OSBPL10: variants seen among roughly 807,000 people sequenced by gnomAD.
OSBPL10 encodes oxysterol-binding protein-related protein 10.
Under a neutral mutation model 81.7 loss-of-function variants are expected in OSBPL10, and 49 were observed. The ratio of observed to expected loss-of-function variants is 0.60; its 90% CI spans 0.48 to 0.76. The LOEUF is 0.76. Ranked by LOEUF, OSBPL10 falls within the 30% of genes least tolerant of loss-of-function variation. The pLI is 0.00. For synonymous variants in OSBPL10, 419 were observed against 383.6 expected, an observed-to-expected ratio of 1.09 and a Z score of -1.08; for missense variants, 923 against 987.8, an observed-to-expected ratio of 0.93 and a Z score of 0.88.
intron 5 of OSBPL10, among the ~76,000 whole-genome samples, chr3:31,737,757 C>A (rs975950066): frequency 7.2e-5 from 11 of 151,846 alleles, no homozygotes; most frequent in Admixed American, 4.6e-4. Flanking sequence ...TTTGGGAGGC[C>A]GAAGCAGGCA....
chr3:31,694,997 G>T (rs937085227), intron 7 of OSBPL10, among the ~76,000 whole-genome samples: 1 of 152,054 alleles, frequency 6.6e-6, no homozygotes, highest in African/African-American at 2.4e-5. Flanking sequence ...CAGGTGATCC[G>T]CCCACCTCAA....
At chr3:31,910,257 G>A (rs1696534629) in intron 1 of OSBPL10, among the ~76,000 whole-genome samples, 1 of 151,880 alleles carries the variant, frequency 6.6e-6, no homozygotes, top group Non-Finnish European at 1.5e-5. Flanking sequence ...GGGATTACAG[G>A]TGTGAGCCAG....
In OSBPL10 at chr3:31,918,057, A is replaced by AGG. The variant is rs1390685370; in HGVS notation, c.282-38228_282-38227insCC. 1.1e-4 allele frequency among the ~76,000 whole-genome samples: 17 copies of AGG among 152,144 alleles called. No individual in the cohort carries two copies. In the East Asian group the frequency reaches 1.5e-3, roughly 14 times the overall value. On this transcript the variant is annotated intron_variant, in intron 1 of 11. Transcript: ENST00000396556. ...AAAATTTATCTACAAGTTGAGCTTA[A>AGG]AGTTCAAGAAATACTAGGTTTTAAA...
chr3:31,937,791 C>T (rs1697421089), intron 1 of OSBPL10, among the ~76,000 whole-genome samples: 1 of 152,146 alleles, frequency 6.6e-6, no homozygotes, highest in South Asian at 2.1e-4. Flanking sequence ...AAGCTGTTTC[C>T]AATATAAGAC....
At chr3:31,993,675 C>CACACAT (rs1418788077) in intron 2 of OSBPL10, among the ~76,000 whole-genome samples, 1 of 130,488 alleles carries the variant, frequency 7.7e-6, no homozygotes, top group Non-Finnish European at 1.5e-5. Flanking sequence ...CATGACTACA[C>CACACAT]ACACATACAC....
At chr3:31,792,423 A>G (rs1466032990) in intron 4 of OSBPL10, among the ~76,000 whole-genome samples, 1 of 152,160 alleles carries the variant, frequency 6.6e-6, no homozygotes, top group African/African-American at 2.4e-5. Context: ...CATTTTAAAC[A>G]GGTTGCAAAA....
At chr3:31,883,908 C>A (rs1695662654) in intron 1 of OSBPL10, among the ~76,000 whole-genome samples, 1 of 152,182 alleles carries the variant, frequency 6.6e-6, no homozygotes, top group South Asian at 2.1e-4. Context: ...CCTCAGTTTC[C>A]CCATCTACTC....
At chr3:31,868,083 G>A (rs138286734) in intron 3 of OSBPL10, among the ~76,000 whole-genome samples, 1,705 of 151,960 alleles carry the variant, frequency 0.011, 13 homozygotes, top group Middle Eastern at 0.034. Flanking sequence ...CGGGCAGGAC[G>A]GACCTCCAAA....
intron 1 of OSBPL10, among the ~76,000 whole-genome samples, chr3:31,953,218 C>T (rs913550285): frequency 1.3e-5 from 2 of 152,052 alleles, no homozygotes; most frequent in African/African-American, 2.4e-5. Context: ...CAGGCGTGAG[C>T]CAGCGCGCCC....
rs1162051012 is a variant in OSBPL10 at position 31,702,453 on chromosome 3, T to C, written c.1151A>G (p.Asp384Gly). 1 of 1,614,242 alleles carries C rather than the reference T, an allele frequency of 6.2e-7. No homozygotes were observed. The highest frequency in any genetic ancestry group is 1.7e-5 in the Admixed American group (1 of 60,036). The change falls in exon 7 of 12, where the codon GAT becomes GGT. Residue 384 changes from aspartate (D) to glycine (G), a missense_variant. Physicochemically the swap from Asp to Gly is moderately conservative, Grantham distance 94 (BLOSUM62 -1). This residue lies in a region of OSBPL10 where 514 missense variants were observed against 508.0 expected (regional missense o/e 1.01). Transcript: ENST00000396556. ...LSEDEKSDNE[D>G]KEETELGVME... ...GACGCCCAATTCCGTCTCTTCCTTA[T>C]CTTCATTGTCACTTTTTTCATCTTC...
intron 10 of OSBPL10, 46 bp from the exon 11 acceptor site, chr3:31,664,278 C>G: frequency 6.3e-7 from 1 of 1,599,502 alleles, no homozygotes; most frequent in Non-Finnish European, 8.5e-7. Context: ...GGCCAGCTGG[C>G]TGCAAGCTAA....
At chr3:31,988,998 G>A (rs1343678993) in intron 2 of OSBPL10, 30 of 1,543,978 alleles carry the variant, frequency 1.9e-5, no homozygotes, top group South Asian at 2.4e-5. Flanking sequence ...TTTGTTTCTC[G>A]GAAACAGATA....
At chr3:32,070,727 A>T (rs917761809) in intron 1 of OSBPL10, among the ~76,000 whole-genome samples, 7 of 152,202 alleles carry the variant, frequency 4.6e-5, no homozygotes, top group Non-Finnish European at 1.0e-4. Flanking sequence ...TCTGCACCTT[A>T]TCAACCAAAT....
chr3:31,955,567 G>A (rs910446719), intron 1 of OSBPL10, among the ~76,000 whole-genome samples: 7 of 152,132 alleles, frequency 4.6e-5, no homozygotes, highest in Admixed American at 6.5e-5. Flanking sequence ...ACTCCCTGTC[G>A]CTTCATTCTC....
rs77612194 is a variant in OSBPL10, at chr3:31,970,391, C to T, written c.281+10508G>A. ...CTGCTGAAATTCCAGCCATCATTTC[C>T]ATATTCTAGTTTTGGCCAGCATGTC... is the stretch of plus-strand genomic sequence containing the variant. On this transcript the variant is annotated intron_variant, in intron 1 of 11. Coordinates refer to ENST00000396556, the MANE Select transcript of OSBPL10 (RefSeq NM_017784.5). Among the ~76,000 whole-genome samples, 467 of 152,280 alleles carry T rather than the reference C, an allele frequency of 3.1e-3. 7 individuals are homozygous for T. The East Asian group carries it at 0.034, about 11-fold the overall frequency.
At chr3:31,788,079 G>A (rs1331287301) in intron 4 of OSBPL10, among the ~76,000 whole-genome samples, 2 of 152,122 alleles carry the variant, frequency 1.3e-5, no homozygotes, top group Non-Finnish European at 2.9e-5. Flanking sequence ...AGGACATATT[G>A]ATTAGGTTAT....
At chr3:32,074,676 G>C (rs1356046763) in intron 1 of OSBPL10, among the ~76,000 whole-genome samples, 1 of 152,082 alleles carries the variant, frequency 6.6e-6, no homozygotes, top group African/African-American at 2.4e-5. Flanking sequence ...GTTACTTGTA[G>C]ACACTATGCA....
intron 8 of OSBPL10, among the ~76,000 whole-genome samples, chr3:31,678,029 C>T (rs1004125949): frequency 1.5e-5 from 2 of 137,754 alleles, no homozygotes; most frequent in Non-Finnish European, 3.0e-5. Flanking sequence ...TGCAGTGAGC[C>T]GAGATTGCGC....
intron 5 of OSBPL10, among the ~76,000 whole-genome samples, chr3:31,746,462 T>C (rs1697522792): frequency 6.6e-6 from 1 of 152,058 alleles, no homozygotes; most frequent in Non-Finnish European, 1.5e-5. Context: ...GAGGATCACC[T>C]GAGGTTGGGA....
Sources: allele counts gnomAD v4.1 joint callset (sites outside exome capture counted in the v4.1 genomes callset), GRCh38; gene constraint gnomAD v4.1.1; regional missense constraint gnomAD v4.1.1; transcripts MANE v1.5; gene names NCBI Gene and HGNC (gene_info 2026-07-23, HGNC 2026-07-21).